The following FGD1 variants were observed in gnomAD, a reference collection of about 807,000 sequenced individuals.
FGD1 encodes the protein FYVE, RhoGEF and PH domain-containing protein 1.
In FGD1, 12 loss-of-function variants were observed where a neutral mutation model predicts 65.0. The observed-to-expected ratio is 0.18, with a 90% CI of 0.12 to 0.30. The LOEUF (loss-of-function observed/expected upper bound fraction) is 0.30, where lower values mean the gene tolerates loss of function less well. Among genes scored for constraint, FGD1 ranks in the 10% least tolerant of loss-of-function variants. FGD1 has a pLI of 1.00. For synonymous variants in FGD1, 333 were observed against 343.9 expected (o/e 0.97, Z 0.35); for missense variants, 542 against 837.6 (o/e 0.65, Z 4.36).
chrX:54,492,407 G>A (rs1329027861), intron 1 of FGD1, among the ~76,000 whole-genome samples: 2 of 112,051 alleles, frequency 1.8e-5, no homozygotes, highest in African/African-American at 6.5e-5. Context: ...TTAACATGTG[G>A]ACCAGCATGT....
In FGD1 at chrX:54,454,645, T is replaced by TAAA. The variant is rs59245505; in HGVS notation, c.2015+800_2015+802dup. On this transcript the variant is annotated intron_variant, in intron 12 of 17. Coordinates refer to ENST00000375135, the MANE Select transcript of FGD1 (RefSeq NM_004463.3). ...TGGGTGACAGAGTGAGACTCTGTCT[T>TAAA]AAAAAAAAAAAAAAAAAAAGAAAAG... 9.4e-4 allele frequency among the ~76,000 whole-genome samples: 74 copies of TAAA among 78,944 alleles called. 1 individual carries two copies. The highest frequency in any genetic ancestry group is 4.1e-3 in the East Asian group (10 of 2,426). 68.6% of individuals were successfully genotyped at this position (78,944 alleles called of 115,157 possible).
At chrX:54,494,410 T>C (rs1056163328) in intron 1 of FGD1, among the ~76,000 whole-genome samples, 9 of 97,474 alleles carry the variant, frequency 9.2e-5, no homozygotes, top group Non-Finnish European at 1.2e-4. Flanking sequence ...TTCTTTTTTT[T>C]TTTTTTTTTT....
At chrX:54,452,004 T>C (rs1313015179) in intron 12 of FGD1, among the ~76,000 whole-genome samples, 2 of 110,951 alleles carry the variant, frequency 1.8e-5, no homozygotes, top group Non-Finnish European at 3.8e-5. Context: ...TGGTGGCTCA[T>C]ACCTGTCATC....
Position 54,456,575 on chromosome X carries a change from C to A in FGD1, c.1637-8G>T, listed in dbSNP as rs748349751. 2 of 1,201,652 alleles carry A rather than the reference C, an allele frequency of 1.7e-6. No individual in the cohort carries two copies. The highest frequency in any genetic ancestry group is 3.0e-5 in the East Asian group (1 of 33,669). On this transcript the variant is annotated splice_region_variant and splice_polypyrimidine_tract_variant and intron_variant, in intron 8 of 17. Transcript: ENST00000375135. ...CGATCAGCTCCAGAGACTCTACAGG[C>A]ATAGAGGGGTGAGGTCAGATGGGGG...
intron 17 of FGD1, among the ~76,000 whole-genome samples, chrX:54,446,623 C>A (rs1922191454): frequency 9.1e-6 from 1 of 109,767 alleles, no homozygotes; most frequent in African/African-American, 3.3e-5. Context: ...TGTCTCCCCC[C>A]ACCCCCGCCT....
intron 8 of FGD1, among the ~76,000 whole-genome samples, chrX:54,457,881 T>C (rs1261681708): frequency 9.0e-6 from 1 of 111,344 alleles, no homozygotes; most frequent in African/African-American, 3.3e-5. Context: ...ATCCCACCCA[T>C]GCTTAAGGCC....
chrX:54,463,557 C>T (rs1030208558), intron 8 of FGD1, among the ~76,000 whole-genome samples: 2 of 111,850 alleles, frequency 1.8e-5, no homozygotes, highest in South Asian at 3.8e-4. Context: ...TCGAAACCTT[C>T]CCATGGCTAC....
At chrX:54,484,002 C>G (rs1569541440) in intron 1 of FGD1, among the ~76,000 whole-genome samples, 2 of 111,896 alleles carry the variant, frequency 1.8e-5, no homozygotes, top group Non-Finnish European at 3.8e-5. Flanking sequence ...CCCCTGCAAT[C>G]CCTTCAGCCT....
At chrX:54,460,480 C>T (rs1366204237) in intron 8 of FGD1, among the ~76,000 whole-genome samples, 1 of 108,637 alleles carries the variant, frequency 9.2e-6, no homozygotes, top group Non-Finnish European at 1.9e-5. Context: ...CGGTGGCGCA[C>T]GCCTGTAATC....
chrX:54,490,697 T>C (rs1923395487), intron 1 of FGD1, among the ~76,000 whole-genome samples: 1 of 110,892 alleles, frequency 9.0e-6, no homozygotes, highest in Non-Finnish European at 1.9e-5. Context: ...ATTCACTATC[T>C]TCCCTCAAAC....
At chrX:54,453,237 G>A (rs1198638003) in intron 12 of FGD1, among the ~76,000 whole-genome samples, 1 of 111,219 alleles carries the variant, frequency 9.0e-6, no homozygotes, top group Non-Finnish European at 1.9e-5. Flanking sequence ...GCCTCCATGA[G>A]GCTCTCAATC....
At chrX:54,466,453 A>G (rs7053345) in intron 6 of FGD1, among the ~76,000 whole-genome samples, 17,192 of 111,223 alleles carry the variant, frequency 0.15, 2,131 homozygotes, top group African/African-American at 0.42. Context: ...CATGATTTTA[A>G]GCAGGGAGAG....
At chrX:54,476,496 T>C (rs891907502) in intron 1 of FGD1, among the ~76,000 whole-genome samples, 16 of 109,593 alleles carry the variant, frequency 1.5e-4, no homozygotes, top group African/African-American at 4.7e-4. Flanking sequence ...GGACTACAGG[T>C]ACTCACTACC....
intron 8 of FGD1, among the ~76,000 whole-genome samples, chrX:54,464,283 GC>G (rs1186587457): frequency 9.2e-6 from 1 of 109,123 alleles, no homozygotes; most frequent in Non-Finnish European, 1.9e-5. Context: ...ACAGGTGCCC[GC>G]CACCACGCCC....
intron 17 of FGD1, 106 bp from the exon 18 acceptor site, chrX:54,446,520 G>T (rs1207375232): frequency 1.4e-6 from 1 of 738,099 alleles, no homozygotes; most frequent in Non-Finnish European, 2.0e-6. Flanking sequence ...CCCCTACTCA[G>T]GAACTCCCCT....
chrX:54,483,129 C>G (rs1923190123), intron 1 of FGD1, among the ~76,000 whole-genome samples: 1 of 111,774 alleles, frequency 8.9e-6, no homozygotes, highest in South Asian at 3.8e-4. Flanking sequence ...CTGCCAGAGT[C>G]AGGGAGGCCC....
Position 54,447,348 on chromosome X carries a change from T to C in FGD1, c.2543A>G (p.Asn848Ser). 1 of 1,211,852 alleles carries C rather than the reference T, an allele frequency of 8.3e-7. No homozygotes were observed. Among genetic ancestry groups the C allele is most frequent in the Non-Finnish European group, 1.1e-6 (1 of 895,440 alleles). Residue 848 changes from asparagine (N) to serine (S), a missense_variant, in exon 17 of 18, where the codon AAT becomes AGT. Physicochemically the swap from Asn to Ser is conservative, Grantham distance 46. This residue lies in a region of FGD1 where 182 missense variants were observed against 311.4 expected (regional missense o/e 0.58). Coordinates refer to ENST00000375135, the MANE Select transcript of FGD1 (RefSeq NM_004463.3). ...GTAGATATACAGCACCAAGGGTTCA[T>C]TTTCAGGGACCACGAACCATGCCTT... ...WHKAWFVVPENEPLVLYIYGA... is the reference protein window; with the variant it reads ...WHKAWFVVPESEPLVLYIYGA...
Position 54,445,897 on chromosome X carries a change from A to C in FGD1, c.*212T>G. ...ACCCTCCCTGGGGACAGGGATTAAT[A>C]AAAATTGACATCACTGTAGGAATAT... On this transcript the variant is annotated 3_prime_UTR_variant, in exon 18 of 18. Coordinates refer to ENST00000375135, the MANE Select transcript of FGD1 (RefSeq NM_004463.3). 1 of 415,255 alleles carries C rather than the reference A, an allele frequency of 2.4e-6. No individual in the cohort carries two copies. Among genetic ancestry groups the C allele is most frequent in the East Asian group, 4.2e-5 (1 of 24,073 alleles). 34.2% of individuals were successfully genotyped at this position (415,255 alleles called of 1,213,427 possible).
Position 54,470,021 on chromosome X carries a change from C to T in FGD1, c.1096G>A (p.Val366Met), listed in dbSNP as rs140078362. Residue 366 changes from valine (V) to methionine (M), a missense_variant, in exon 4 of 18, where the codon GTG becomes ATG. Val to Met is a conservative substitution (Grantham distance 21). This residue lies in a region of FGD1 where 297 missense variants were observed against 326.8 expected (regional missense o/e 0.91). Transcript: ENST00000375135. ...PVPLMERQESVELTVQQKVFH... is the reference protein window; with the variant it reads ...PVPLMERQESMELTVQQKVFH... ...CGGTGAACACAGGTCAGTACCTCCACAGACTCCTGTCTCTCCATCAGGGGC... is the reference window on the plus strand; with the variant it reads ...CGGTGAACACAGGTCAGTACCTCCATAGACTCCTGTCTCTCCATCAGGGGC... 4.1e-6 allele frequency: 5 copies of T among 1,210,357 alleles called. No individual in the cohort carries two copies. In the East Asian group the frequency reaches 8.9e-5, roughly 21 times the overall value.
Sources: gnomAD v4.1 joint callset for allele counts (sites outside exome capture counted in the v4.1 genomes callset) on GRCh38, gnomAD v4.1.1 for gene constraint, gnomAD v4.1.1 regional missense constraint, MANE v1.5 for transcripts, NCBI Gene and HGNC (gene_info 2026-07-23, HGNC 2026-07-21) for gene names.